The following ATP6V1A variants were observed in gnomAD, a reference collection of about 807,000 sequenced individuals.
ATP6V1A encodes the protein V-type proton ATPase catalytic subunit A.
A neutral mutation model predicts 70.1 loss-of-function variants in ATP6V1A; 18 were observed. The ratio of observed to expected loss-of-function variants is 0.26; its 90% CI spans 0.18 to 0.38. The LOEUF (loss-of-function observed/expected upper bound fraction) is 0.38. Ranked by LOEUF, ATP6V1A falls within the 10% of genes least tolerant of loss-of-function variation. ATP6V1A has a pLI of 1.00. For synonymous variants in ATP6V1A, 232 were observed against 253.8 expected (o/e 0.91, Z 0.82); for missense variants, 424 against 772.4 (o/e 0.55, Z 5.35).
At chr3:113,791,829 G>A (rs1292729873) in intron 8 of ATP6V1A, among the ~76,000 whole-genome samples, 1 of 147,606 alleles carries the variant, frequency 6.8e-6, no homozygotes, top group Non-Finnish European at 1.5e-5. Context: ...TCCTTCCTGC[G>A]ACTGGCCATG....
At chr3:113,757,913 A>C (rs980714793) in intron 1 of ATP6V1A, among the ~76,000 whole-genome samples, 2 of 152,244 alleles carry the variant, frequency 1.3e-5, no homozygotes, top group Non-Finnish European at 2.9e-5. Flanking sequence ...TGGGAGGCCA[A>C]GGTGGGTGGA....
chr3:113,762,034 C>T (rs1209741202), intron 1 of ATP6V1A, among the ~76,000 whole-genome samples: 1 of 128,412 alleles, frequency 7.8e-6, no homozygotes, highest in Non-Finnish European at 1.7e-5. Context: ...TGCCTGTAAT[C>T]GCAGCTACTC....
chr3:113,795,270 A>C, intron 10 of ATP6V1A, 66 bp downstream of exon 10: 1 of 1,512,036 alleles, frequency 6.6e-7, no homozygotes. Context: ...GAGAGAAAAA[A>C]AGTCACTTAT....
intron 14 of ATP6V1A, among the ~76,000 whole-genome samples, chr3:113,808,408 C>T (rs554465809): frequency 4.6e-4 from 69 of 149,110 alleles, no homozygotes; most frequent in African/African-American, 1.1e-3. Flanking sequence ...TCTCCTGCCT[C>T]AGCCTCCCAA....
At chr3:113,777,099 A>G (rs929807841) in intron 1 of ATP6V1A, among the ~76,000 whole-genome samples, 1 of 152,178 alleles carries the variant, frequency 6.6e-6, no homozygotes, top group African/African-American at 2.4e-5. Flanking sequence ...CATCTCCCTC[A>G]TTAAATTGGT....
intron 1 of ATP6V1A, among the ~76,000 whole-genome samples, chr3:113,748,579 C>G (rs1388572154): frequency 6.6e-6 from 1 of 152,136 alleles, no homozygotes; most frequent in Non-Finnish European, 1.5e-5. Flanking sequence ...CTTCCAAATT[C>G]TATACAATAA....
intron 3 of ATP6V1A, 136 bp from the exon 4 acceptor site, chr3:113,784,088 G>C: frequency 1.3e-6 from 1 of 745,636 alleles, no homozygotes; most frequent in Non-Finnish European, 2.2e-6. Flanking sequence ...AAAACACTAT[G>C]AATCCTGTGA....
intron 10 of ATP6V1A, 70 bp from the exon 11 acceptor site, chr3:113,795,806 A>G (rs1709147472): frequency 8.5e-7 from 1 of 1,174,518 alleles, no homozygotes; most frequent in African/African-American, 1.6e-5. Flanking sequence ...ACATTTATAT[A>G]TATGTTATTT....
chr3:113,789,609 T>G lies in ATP6V1A; in HGVS notation c.880-123T>G, dbSNP rs969574733. On this transcript the variant is annotated intron_variant, in intron 7 of 14. Transcript: ENST00000273398. ...GTTGGAGTGGTGGGGAATATTACTTTAGGAACACTGATTGTAAGAGGCATT... is the reference window on the plus strand; with the variant it reads ...GTTGGAGTGGTGGGGAATATTACTTGAGGAACACTGATTGTAAGAGGCATT... 3.1e-5 allele frequency: 20 copies of G among 637,200 alleles called. No individual in the cohort carries two copies. The Middle Eastern group carries it at 1.7e-3, about 55-fold the overall frequency. The allele number at this position is 637,200 out of a possible 1,614,324, so 39.5% of individuals were successfully genotyped here.
At chr3:113,795,670 T>A (rs1709145997) in intron 10 of ATP6V1A, among the ~76,000 whole-genome samples, 1 of 152,086 alleles carries the variant, frequency 6.6e-6, no homozygotes, top group Admixed American at 6.5e-5. Flanking sequence ...GTTTCTATTG[T>A]TGTTTACAAC....
intron 1 of ATP6V1A, among the ~76,000 whole-genome samples, chr3:113,775,842 A>G (rs1290664094): frequency 1.3e-5 from 2 of 152,180 alleles, no homozygotes; most frequent in Non-Finnish European, 2.9e-5. Flanking sequence ...TTTTCTGAAG[A>G]TTGAAATTTC....
chr3:113,788,110 A>G (rs1709056242), intron 6 of ATP6V1A, among the ~76,000 whole-genome samples: 1 of 152,158 alleles, frequency 6.6e-6, no homozygotes, highest in South Asian at 2.1e-4. Context: ...TTATAGAGAC[A>G]GGGTCTTGCT....
At chr3:113,758,284 A>G (rs935727749) in intron 1 of ATP6V1A, among the ~76,000 whole-genome samples, 1 of 152,244 alleles carries the variant, frequency 6.6e-6, no homozygotes, top group African/African-American at 2.4e-5. Context: ...TTGATATATA[A>G]TTGACATATC....
At chr3:113,800,632 C>T (rs550018801) in intron 12 of ATP6V1A, among the ~76,000 whole-genome samples, 7 of 152,102 alleles carry the variant, frequency 4.6e-5, no homozygotes, top group South Asian at 2.1e-4. Context: ...TCATAATTTA[C>T]GTGGGAAAGG....
At chr3:113,779,717 A>G (rs1001912130) in intron 2 of ATP6V1A, among the ~76,000 whole-genome samples, 6 of 152,232 alleles carry the variant, frequency 3.9e-5, no homozygotes, top group Admixed American at 3.9e-4. Flanking sequence ...CTCAATGATC[A>G]TAAGGGTCTT....
intron 8 of ATP6V1A, 112 bp downstream of exon 8, chr3:113,789,952 T>C: frequency 5.4e-6 from 4 of 741,174 alleles, no homozygotes; most frequent in East Asian, 5.5e-5. Flanking sequence ...TCTGTACATA[T>C]AAGCACATTC....
intron 8 of ATP6V1A, among the ~76,000 whole-genome samples, chr3:113,791,786 C>T (rs1203492771): frequency 6.7e-6 from 1 of 149,218 alleles, no homozygotes; most frequent in African/African-American, 2.5e-5. Flanking sequence ...TATCTTCCTG[C>T]TTCTCTTTGA....
At chr3:113,761,928 G>T (rs1368933535) in intron 1 of ATP6V1A, among the ~76,000 whole-genome samples, 1 of 116,150 alleles carries the variant, frequency 8.6e-6, no homozygotes, top group Non-Finnish European at 1.9e-5. Flanking sequence ...CAAAGCGGGC[G>T]GATCACCTGA....
intron 2 of ATP6V1A, among the ~76,000 whole-genome samples, chr3:113,780,473 T>C (rs1235998276): frequency 6.6e-6 from 1 of 152,198 alleles, no homozygotes; most frequent in Non-Finnish European, 1.5e-5. Context: ...TTACGGCCTA[T>C]GAAAAAAATT....
Sources: gnomAD v4.1 joint callset for allele counts (sites outside exome capture counted in the v4.1 genomes callset) on GRCh38, gnomAD v4.1.1 for gene constraint, MANE v1.5 for transcripts, NCBI Gene and HGNC (gene_info 2026-07-23, HGNC 2026-07-21) for gene names.